Variants in ZNF521 observed in about 807,000 individuals in gnomAD.
The protein encoded by ZNF521 is zinc finger protein 521, also known as LYST-interacting protein 3.
A neutral mutation model predicts 105.5 loss-of-function variants in ZNF521; 14 were observed. That is an observed-to-expected ratio of 0.13 (90% CI 0.09 to 0.21). The LOEUF (loss-of-function observed/expected upper bound fraction) is 0.21, where lower values mean the gene tolerates loss of function less well. Ranked by LOEUF, ZNF521 falls within the 10% of genes least tolerant of loss-of-function variation. The probability of loss-of-function intolerance (pLI) is 1.00; values close to 1 mark genes in which losing one functional copy is unlikely to be tolerated. For missense variants in ZNF521, 1,233 were observed against 1,629.7 expected (o/e 0.76, Z 4.19); for synonymous variants, 635 against 606.0 (o/e 1.05, Z -0.70).
At chr18:25,230,811 C>T (rs79024171) in intron 3 of ZNF521, among the ~76,000 whole-genome samples, 2,022 of 152,080 alleles carry the variant, frequency 0.013, 46 homozygotes, top group African/African-American at 0.046. Context: ...CTCTTACTGC[C>T]GAAAAAGCTT....
At chr18:25,084,392 C>T (rs1213977347) in intron 7 of ZNF521, among the ~76,000 whole-genome samples, 1 of 150,912 alleles carries the variant, frequency 6.6e-6, no homozygotes, top group Non-Finnish European at 1.5e-5. Context: ...AACACTCAAG[C>T]ACCAGTTAAA....
intron 5 of ZNF521, among the ~76,000 whole-genome samples, chr18:25,147,263 C>A (rs1347305610): frequency 6.6e-6 from 1 of 152,008 alleles, no homozygotes; most frequent in Non-Finnish European, 1.5e-5. Flanking sequence ...ACCTTTAATA[C>A]TGAAGTGTAA....
intron 5 of ZNF521, among the ~76,000 whole-genome samples, chr18:25,188,776 C>T (rs1282311402): frequency 5.3e-5 from 8 of 152,122 alleles, no homozygotes; most frequent in Non-Finnish European, 8.8e-5. Context: ...GAGCCTAGGA[C>T]GACAGGGTGG....
At chr18:25,242,405 G>C (rs2144804586) in intron 3 of ZNF521, among the ~76,000 whole-genome samples, 1 of 152,244 alleles carries the variant, frequency 6.6e-6, no homozygotes, top group South Asian at 2.1e-4. Flanking sequence ...TAATCAAAAA[G>C]TTCAAAGATC....
intron 5 of ZNF521, among the ~76,000 whole-genome samples, chr18:25,182,238 G>A (rs1449076258): frequency 6.6e-6 from 1 of 152,124 alleles, no homozygotes; most frequent in Non-Finnish European, 1.5e-5. Flanking sequence ...CCTGTGAAGA[G>A]CAAATTCTGG....
At chr18:25,233,662 G>GTT (rs373253299) in intron 3 of ZNF521, among the ~76,000 whole-genome samples, 39 of 114,456 alleles carry the variant, frequency 3.4e-4, no homozygotes, top group African/African-American at 6.4e-4. Context: ...AAGCTCAGAG[G>GTT]TTTTTTTTTT....
At chr18:25,162,027 G>T (rs111924403) in intron 5 of ZNF521, among the ~76,000 whole-genome samples, 24 of 152,240 alleles carry the variant, frequency 1.6e-4, no homozygotes, top group African/African-American at 5.8e-4. Context: ...GACAGAAAAT[G>T]TAAGAAAATT....
intron 5 of ZNF521, among the ~76,000 whole-genome samples, chr18:25,192,339 T>C (rs139713303): frequency 3.6e-4 from 55 of 152,246 alleles, no homozygotes; most frequent in African/African-American, 5.1e-4. Context: ...GGTAGAAACA[T>C]TGGTGATTTC....
At chr18:25,236,788 A>G (rs1194856800) in intron 3 of ZNF521, among the ~76,000 whole-genome samples, 4 of 152,342 alleles carry the variant, frequency 2.6e-5, no homozygotes, top group Admixed American at 2.6e-4. Context: ...GATAATGTTT[A>G]TAAAAGTACT....
At chr18:25,251,908 T>C (rs1257486778) in intron 3 of ZNF521, among the ~76,000 whole-genome samples, 7 of 152,182 alleles carry the variant, frequency 4.6e-5, no homozygotes, top group Admixed American at 4.6e-4. Context: ...TACCATGTAA[T>C]TTACCCAATC....
rs1567970567 is a variant in ZNF521, at chr18:25,120,593, A to AAC, written c.3659-28513_3659-28512insGT. Among the ~76,000 whole-genome samples, 4 of 108,072 alleles carry AAC rather than the reference A, an allele frequency of 3.7e-5. 1 individual carries two copies. Among genetic ancestry groups the AAC allele is most frequent in the African/African-American group, 1.2e-4 (3 of 25,882 alleles). The allele number at this position is 108,072 out of a possible 152,430, so 70.9% of individuals were successfully genotyped here. ...AGCAAAACTCCATCTAAAAAAAAAA[A>AAC]AAAAAAAAACCACAAACAAACAAAC... On this transcript the variant is annotated intron_variant, in intron 5 of 7. Transcript: ENST00000361524.
chr18:25,344,058 C>G (rs893322543), intron 2 of ZNF521, among the ~76,000 whole-genome samples: 9 of 152,218 alleles, frequency 5.9e-5, no homozygotes, highest in African/African-American at 2.2e-4. Flanking sequence ...CCTGCTAAAA[C>G]TGAAGCTACT....
At chr18:25,066,471 G>A (rs2033063724) in intron 7 of ZNF521, among the ~76,000 whole-genome samples, 1 of 152,184 alleles carries the variant, frequency 6.6e-6, no homozygotes. Context: ...TTATTCGATT[G>A]GCTTTTAGGT....
chr18:25,175,551 T>C (rs890352104), intron 5 of ZNF521, among the ~76,000 whole-genome samples: 3 of 152,238 alleles, frequency 2.0e-5, no homozygotes, highest in Non-Finnish European at 2.9e-5. Context: ...CTTCCCCTTA[T>C]TGCTGTTAAT....
intron 2 of ZNF521, among the ~76,000 whole-genome samples, chr18:25,338,257 TTTTGTGTGTGTGTGTGTGTGTG>T (rs1459209765): frequency 3.0e-5 from 1 of 32,984 alleles, no homozygotes; most frequent in African/African-American, 1.0e-4. Context: ...TCTCATAGAC[TTTTGTGTGTGTGTGTGTGTGTG>T]TGTGTGTGTG....
At chr18:25,314,792 C>T (rs1912512041) in intron 3 of ZNF521, among the ~76,000 whole-genome samples, 1 of 152,238 alleles carries the variant, frequency 6.6e-6, no homozygotes, top group South Asian at 2.1e-4. Flanking sequence ...GAACACTTAA[C>T]AGACAACTCA....
intron 7 of ZNF521, among the ~76,000 whole-genome samples, chr18:25,066,432 G>T (rs566515630): frequency 6.6e-6 from 1 of 152,166 alleles, no homozygotes; most frequent in Non-Finnish European, 1.5e-5. Flanking sequence ...CATTCTCTGG[G>T]GGAAGGAATG....
At chr18:25,205,420 T>C (rs370540585) in intron 4 of ZNF521, among the ~76,000 whole-genome samples, 12 of 152,268 alleles carry the variant, frequency 7.9e-5, no homozygotes, top group African/African-American at 2.9e-4. Flanking sequence ...AAAAGAGAAG[T>C]CAAAATTTGG....
At chr18:25,138,108 C>T (rs1227171694) in intron 5 of ZNF521, among the ~76,000 whole-genome samples, 1 of 152,136 alleles carries the variant, frequency 6.6e-6, no homozygotes, top group Non-Finnish European at 1.5e-5. Context: ...TCCTGGGAGA[C>T]TGAGGAACCA....
Sources: allele counts gnomAD v4.1 joint callset (sites outside exome capture counted in the v4.1 genomes callset), GRCh38; gene constraint gnomAD v4.1.1; transcripts MANE v1.5; gene names NCBI Gene and HGNC (gene_info 2026-07-23, HGNC 2026-07-21).